The following BAZ2B variants were observed in gnomAD, a reference collection of about 807,000 sequenced individuals.
The protein encoded by BAZ2B is bromodomain adjacent to zinc finger domain 2B.
BAZ2B carries 91 observed loss-of-function variants against 246.0 expected under a neutral mutation model. That is an observed-to-expected ratio of 0.37 (90% CI 0.31 to 0.44). The LOEUF is 0.44. BAZ2B is among the 20% of genes least tolerant of loss of function. The pLI is 1.00. For synonymous variants in BAZ2B, 855 were observed against 860.0 expected (o/e 0.99, Z 0.10); for missense variants, 2,332 against 2,533.7 (o/e 0.92, Z 1.71).
the BAZ2B span, among the ~76,000 whole-genome samples, chr2:159,685,996 C>G: frequency 1.3e-5 from 2 of 152,134 alleles, no homozygotes; most frequent in Non-Finnish European, 2.9e-5. Context: ...CCCTGGTGGC[C>G]CCCACCTGTA....
At chr2:159,361,786 T>C (rs535988142) in intron 27 of BAZ2B, among the ~76,000 whole-genome samples, 194 of 152,146 alleles carry the variant, frequency 1.3e-3, no homozygotes, top group Admixed American at 2.5e-3. Context: ...TAAAAAAGGA[T>C]GAGTTCATGT....
chr2:159,320,134 C>T lies in BAZ2B; in HGVS notation c.*131G>A, dbSNP rs2062530019. The T allele has an allele frequency of 3.7e-6, 3 of 810,484 alleles. No homozygotes were observed. The highest frequency in any genetic ancestry group is 8.7e-5 in the Admixed American group (2 of 23,024). 50.2% of individuals were successfully genotyped at this position (810,484 alleles called of 1,614,324 possible). A position where few individuals can be genotyped will look rare whatever the true frequency, so the allele number is the denominator to read the frequency against. ...TAAAAATGGTATCATTCTTCTGATA[C>T]TTTTTTTTTATACTTAAGGAAAAAG... On this transcript the variant is annotated 3_prime_UTR_variant, in exon 37 of 37. Transcript: ENST00000392783.
chr2:159,496,375 TAAAAAAAAAA>T (rs58900011), intron 2 of BAZ2B, among the ~76,000 whole-genome samples: 1 of 58,902 alleles, frequency 1.7e-5, no homozygotes, highest in Non-Finnish European at 3.0e-5. Context: ...AGACTCCATC[TAAAAAAAAAA>T]AAAAAAAAAA....
intron 3 of BAZ2B, among the ~76,000 whole-genome samples, chr2:159,467,419 T>TC (rs2077207403): frequency 6.6e-6 from 1 of 152,094 alleles, no homozygotes; most frequent in Non-Finnish European, 1.5e-5. Flanking sequence ...AGACGGGCCT[T>TC]TCCCCCCCAG....
intron 2 of BAZ2B, among the ~76,000 whole-genome samples, chr2:159,483,497 C>T (rs1274860460): frequency 6.6e-6 from 1 of 152,200 alleles, no homozygotes; most frequent in African/African-American, 2.4e-5. Context: ...TTTAACTAGG[C>T]TTGGCGCGGT....
chr2:159,631,514 T>C, the BAZ2B span, among the ~76,000 whole-genome samples: 9 of 152,248 alleles, frequency 5.9e-5, no homozygotes, highest in African/African-American at 2.2e-4. Context: ...AAAATGAGCT[T>C]AGAATACCCT....
the BAZ2B span, among the ~76,000 whole-genome samples, chr2:159,657,501 T>C: frequency 1.3e-5 from 2 of 152,280 alleles, no homozygotes; most frequent in African/African-American, 4.8e-5. Context: ...CCAAAAATAA[T>C]TGGCAATGAC....
intron 25 of BAZ2B, 112 bp downstream of exon 25, chr2:159,382,447 C>T: frequency 8.7e-7 from 1 of 1,151,608 alleles, no homozygotes; most frequent in Non-Finnish European, 1.2e-6. Flanking sequence ...GAAACTGAGG[C>T]AAGTAAATGT....
chr2:159,529,127 A>G (rs1034096139), intron 2 of BAZ2B, among the ~76,000 whole-genome samples: 1 of 152,128 alleles, frequency 6.6e-6, no homozygotes, highest in African/African-American at 2.4e-5. Flanking sequence ...AAAAAAATAA[A>G]AATATACATA....
intron 1 of BAZ2B, among the ~76,000 whole-genome samples, chr2:159,576,948 A>G (rs964111501): frequency 2.7e-5 from 4 of 148,246 alleles, no homozygotes; most frequent in Non-Finnish European, 5.9e-5. Context: ...AAGTGTGGCC[A>G]GGCACGGTGG....
chr2:159,537,347 C>T (rs1475439121), intron 2 of BAZ2B, among the ~76,000 whole-genome samples: 4 of 152,168 alleles, frequency 2.6e-5, no homozygotes, highest in African/African-American at 4.8e-5. Flanking sequence ...TGGTGATGAC[C>T]GTACACCAAT....
At chr2:159,536,570 G>A (rs1389972679) in intron 2 of BAZ2B, among the ~76,000 whole-genome samples, 2 of 152,126 alleles carry the variant, frequency 1.3e-5, no homozygotes, top group South Asian at 2.1e-4. Flanking sequence ...TACCACGATG[G>A]TTCTGAATTT....
intron 27 of BAZ2B, among the ~76,000 whole-genome samples, chr2:159,364,204 G>C (rs2059993316): frequency 6.6e-6 from 1 of 152,170 alleles, no homozygotes; most frequent in Admixed American, 6.5e-5. Context: ...GCTAGAAATG[G>C]AGGACCAAGT....
downstream of BAZ2B, among the ~76,000 whole-genome samples, chr2:159,315,701 C>T (rs1031142444): frequency 6.6e-6 from 1 of 152,104 alleles, no homozygotes; most frequent in African/African-American, 2.4e-5. Context: ...AGATTAACCC[C>T]GACACAATGT....
intron 1 of BAZ2B, among the ~76,000 whole-genome samples, chr2:159,557,112 G>A (rs6432535): frequency 0.056 from 7,988 of 142,344 alleles, 376 homozygotes; most frequent in African/African-American, 0.13. Context: ...GCTCTCCTAT[G>A]TTACCATTAT....
intron 3 of BAZ2B, 144 bp downstream of exon 3, chr2:159,478,431 A>G (rs1315626905): frequency 1.2e-5 from 10 of 812,716 alleles, no homozygotes; most frequent in Non-Finnish European, 1.8e-5. Context: ...ATCCTGAAAA[A>G]GCAAAAAGAC....
At chr2:159,417,598 G>A (rs556016113) in intron 13 of BAZ2B, among the ~76,000 whole-genome samples, 18 of 151,600 alleles carry the variant, frequency 1.2e-4, no homozygotes, top group Admixed American at 5.9e-4. Context: ...AAGGGTTTAC[G>A]TTTTATTTCA....
intron 8 of BAZ2B, chr2:159,433,886 C>T (rs150073854): frequency 6.5e-6 from 1 of 153,834 alleles, no homozygotes; most frequent in Non-Finnish European, 1.4e-5. Flanking sequence ...AAAATAGATA[C>T]AATACACCTA....
chr2:159,712,323 C>T, the BAZ2B span: 894 of 152,288 alleles, frequency 5.9e-3, 2 homozygotes, highest in Middle Eastern at 0.02. Flanking sequence ...CCAGTGGCGC[C>T]TCGCTGACTC....
Sources: gnomAD v4.1 joint callset for allele counts (sites outside exome capture counted in the v4.1 genomes callset) on GRCh38, gnomAD v4.1.1 for gene constraint, MANE v1.5 for transcripts, NCBI Gene and HGNC (gene_info 2026-07-23, HGNC 2026-07-21) for gene names.